ADAMTS16: variants seen among roughly 807,000 people sequenced by gnomAD.
ADAMTS16 encodes the protein ADAM metallopeptidase with thrombospondin type 1 motif 16, also known as A disintegrin and metalloproteinase with thrombospondin motifs 16.
A neutral mutation model predicts 145.8 loss-of-function variants in ADAMTS16; 94 were observed. The observed-to-expected ratio is 0.64, with a 90% confidence interval of 0.55 to 0.77. ADAMTS16 has a LOEUF of 0.77. Ranked by LOEUF, ADAMTS16 falls within the 30% of genes least tolerant of loss-of-function variation. The probability of loss-of-function intolerance (pLI) is 0.00; values close to 1 mark genes in which losing one functional copy is unlikely to be tolerated. For missense variants in ADAMTS16, 1,585 were observed against 1,591.5 expected (o/e 1.00, Z 0.07); for synonymous variants, 659 against 604.3 (o/e 1.09, Z -1.33).
At chr5:5,173,418 T>C (rs1051704148) in intron 3 of ADAMTS16, among the ~76,000 whole-genome samples, 2 of 136,026 alleles carry the variant, frequency 1.5e-5, no homozygotes, top group African/African-American at 5.0e-5. Flanking sequence ...TCTTTTGTAC[T>C]TTTTTTTTTA....
chr5:5,152,495 A>G (rs1734500712), intron 3 of ADAMTS16, among the ~76,000 whole-genome samples: 1 of 152,222 alleles, frequency 6.6e-6, no homozygotes, highest in Non-Finnish European at 1.5e-5. Context: ...CCTGCCTGGA[A>G]CAGAGCTTCT....
intron 3 of ADAMTS16, among the ~76,000 whole-genome samples, chr5:5,166,243 TCA>T (rs141620778): frequency 3.0e-4 from 45 of 149,468 alleles, no homozygotes; most frequent in East Asian, 5.9e-4. Context: ...CCACTCACCA[TCA>T]CACACACACA....
intron 3 of ADAMTS16, among the ~76,000 whole-genome samples, chr5:5,171,106 C>T (rs1213198733): frequency 1.3e-5 from 2 of 152,042 alleles, no homozygotes; most frequent in African/African-American, 4.8e-5. Flanking sequence ...TACCGATTTT[C>T]GTATGCTGAT....
Position 5,209,241 on chromosome 5 carries a change from A to G in ADAMTS16, c.1600A>G (p.Lys534Glu). ...EKAKLCMLDF[K>E]KDICKALWCH... Reference sequence around the variant, plus strand: ...AGCCAAGCTCTGCATGCTGGACTTTAAAAAGGCAAGTGATTATTGGCACAT... The same window carrying G: ...AGCCAAGCTCTGCATGCTGGACTTTGAAAAGGCAAGTGATTATTGGCACAT... The change falls in exon 10 of 23, where the codon AAA becomes GAA. Residue 534 changes from lysine to glutamate, a missense_variant. Coordinates refer to ENST00000274181, the MANE Select transcript of ADAMTS16 (RefSeq NM_139056.4). 1 of 1,613,536 alleles carries G rather than the reference A, an allele frequency of 6.2e-7. No homozygotes were observed. The highest frequency in any genetic ancestry group is 1.3e-5 in the African/African-American group (1 of 75,040).
At chr5:5,248,195 A>G (rs1010871035) in intron 17 of ADAMTS16, among the ~76,000 whole-genome samples, 13 of 152,190 alleles carry the variant, frequency 8.5e-5, no homozygotes, top group Admixed American at 6.5e-4. Flanking sequence ...GCTTTTGGCA[A>G]CAGCTGGAAT....
chr5:5,299,797 A>G (rs1375534961), intron 18 of ADAMTS16, among the ~76,000 whole-genome samples: 2 of 152,200 alleles, frequency 1.3e-5, no homozygotes, highest in African/African-American at 4.8e-5. Context: ...GCCACTTTGC[A>G]TTCTTCCAGT....
chr5:5,220,482 C>A (rs1197386011), intron 10 of ADAMTS16, among the ~76,000 whole-genome samples: 1 of 152,124 alleles, frequency 6.6e-6, no homozygotes, highest in Admixed American at 6.5e-5. Context: ...TTAAAACACA[C>A]TTTACCTTGT....
chr5:5,239,083 G>A (rs1480575659), intron 14 of ADAMTS16, 68 bp from the exon 15 acceptor site: 13 of 1,382,948 alleles, frequency 9.4e-6, no homozygotes, highest in African/African-American at 1.5e-5. Context: ...TCTTGCATGA[G>A]ATTGGTGACA....
intron 11 of ADAMTS16, among the ~76,000 whole-genome samples, chr5:5,226,870 A>G (rs1329467988): frequency 6.6e-6 from 1 of 152,214 alleles, no homozygotes; most frequent in Non-Finnish European, 1.5e-5. Flanking sequence ...TCTTCTGGGA[A>G]AGAGACCCTG....
intron 12 of ADAMTS16, among the ~76,000 whole-genome samples, chr5:5,234,025 A>G (rs2126373440): frequency 6.6e-6 from 1 of 152,356 alleles, no homozygotes; most frequent in East Asian, 1.9e-4. Context: ...GCATTTTAAT[A>G]GTAGCCATTC....
rs761648627 is a variant in ADAMTS16 at position 5,140,437 on chromosome 5, G to A, written c.-31G>A. On this transcript the variant is annotated 5_prime_UTR_variant, in exon 1 of 23. Coordinates refer to ENST00000274181, the MANE Select transcript of ADAMTS16 (RefSeq NM_139056.4). ...GCACGCTGCCGGCCGGGGACCCTCC[G>A]GTGGCCCCTAGCCCCTCGGAGCGCT... 4.4e-5 allele frequency: 66 copies of A among 1,492,146 alleles called. No individual in the cohort carries two copies. Among genetic ancestry groups the A allele is most frequent in the Non-Finnish European group, 5.6e-5 (63 of 1,128,936 alleles). The allele number at this position is 1,492,146 out of a possible 1,614,324, so 92.4% of individuals were successfully genotyped here. A position where few individuals can be genotyped will look rare whatever the true frequency, so the allele number is the denominator to read the frequency against.
chr5:5,241,562 A>C (rs1182100419), intron 16 of ADAMTS16, among the ~76,000 whole-genome samples: 1 of 152,218 alleles, frequency 6.6e-6, no homozygotes, highest in East Asian at 1.9e-4. Flanking sequence ...AGGAAGCATG[A>C]CGATGCTTTG....
At chr5:5,281,591 T>C (rs1033077334) in intron 18 of ADAMTS16, among the ~76,000 whole-genome samples, 4 of 152,216 alleles carry the variant, frequency 2.6e-5, no homozygotes, top group African/African-American at 9.6e-5. Context: ...CCATGATTGC[T>C]ACACAGAGCG....
At chr5:5,162,212 C>G (rs956714) in intron 3 of ADAMTS16, among the ~76,000 whole-genome samples, 99,756 of 152,106 alleles carry the variant, frequency 0.66, 33,425 homozygotes, top group Middle Eastern at 0.78. Context: ...CTACTGTATG[C>G]CAGGCATTTA....
At chr5:5,197,484 G>T (rs1028029108) in intron 8 of ADAMTS16, among the ~76,000 whole-genome samples, 2 of 152,192 alleles carry the variant, frequency 1.3e-5, no homozygotes, top group African/African-American at 4.8e-5. Flanking sequence ...TGGCAGTGGG[G>T]CTGTGAGCAT....
chr5:5,319,908 A>T lies in ADAMTS16; in HGVS notation c.*770A>T. Reference sequence around the variant, plus strand: ...GTTATTTGCAAGTGAGTGTCCTTTTAAAAACACACTTCTTCATGCTTTTCT... The same window carrying T: ...GTTATTTGCAAGTGAGTGTCCTTTTTAAAACACACTTCTTCATGCTTTTCT... On this transcript the variant is annotated 3_prime_UTR_variant, in exon 23 of 23. Coordinates refer to ENST00000274181, the MANE Select transcript of ADAMTS16 (RefSeq NM_139056.4). The T allele has an allele frequency of 2.2e-6, 1 of 455,654 alleles. No individual in the cohort carries two copies. The highest frequency in any genetic ancestry group is 4.4e-6 in the Non-Finnish European group (1 of 226,798). The allele number at this position is 455,654 out of a possible 1,614,324, so 28.2% of individuals were successfully genotyped here. A position where few individuals can be genotyped will look rare whatever the true frequency, so the allele number is the denominator to read the frequency against.
At chr5:5,209,314 T>C (rs1736213717) in intron 10 of ADAMTS16, 68 bp downstream of exon 10, 10 of 1,565,172 alleles carry the variant, frequency 6.4e-6, no homozygotes, top group African/African-American at 2.7e-5. Flanking sequence ...GTGTAACTGA[T>C]GTTGATATAT....
intron 3 of ADAMTS16, among the ~76,000 whole-genome samples, chr5:5,160,212 C>T (rs978793154): frequency 6.6e-6 from 1 of 152,146 alleles, no homozygotes; most frequent in Non-Finnish European, 1.5e-5. Flanking sequence ...CTTAAGAAGG[C>T]CCCAAATTTA....
At chr5:5,182,811 G>T (rs1735378405) in intron 4 of ADAMTS16, among the ~76,000 whole-genome samples, 1 of 152,116 alleles carries the variant, frequency 6.6e-6, no homozygotes, top group South Asian at 2.1e-4. Context: ...TTTAGGAAAT[G>T]GTTTATTATT....
Sources: gnomAD v4.1 joint callset for allele counts (sites outside exome capture counted in the v4.1 genomes callset) on GRCh38, gnomAD v4.1.1 for gene constraint, MANE v1.5 for transcripts, NCBI Gene and HGNC (gene_info 2026-07-23, HGNC 2026-07-21) for gene names.